Variants in ADGRL2 observed in about 807,000 individuals in gnomAD.
The protein encoded by ADGRL2 is calcium-independent alpha-latrotoxin receptor 2.
A neutral mutation model predicts 157.4 loss-of-function variants in ADGRL2; 44 were observed. The ratio of observed to expected loss-of-function variants is 0.28; its 90% CI spans 0.22 to 0.36. ADGRL2 has a LOEUF of 0.36. Among genes scored for constraint, ADGRL2 ranks in the 10% least tolerant of loss-of-function variants. The pLI is 1.00. For missense variants in ADGRL2, 1,510 were observed against 1,768.9 expected, an observed-to-expected ratio of 0.85 and a Z score of 2.63; for synonymous variants, 585 against 624.7, an observed-to-expected ratio of 0.94 and a Z score of 0.95.
intron 3 of ADGRL2, among the ~76,000 whole-genome samples, chr1:81,617,030 G>T (rs1321300736): frequency 6.6e-6 from 1 of 152,138 alleles, no homozygotes; most frequent in Non-Finnish European, 1.5e-5. Context: ...CAAGTTCATT[G>T]AACATCAGTC....
chr1:81,706,398 CAT>C (rs906298276), intron 1 of ADGRL2, among the ~76,000 whole-genome samples: 2 of 151,742 alleles, frequency 1.3e-5, no homozygotes, highest in African/African-American at 4.8e-5. Context: ...AAATAGGAAA[CAT>C]AGGAGGGGAT....
intron 1 of ADGRL2, among the ~76,000 whole-genome samples, chr1:81,724,338 C>A (rs2084437161): frequency 6.6e-6 from 1 of 152,084 alleles, no homozygotes; most frequent in Admixed American, 6.6e-5. Context: ...TTGTAGTATT[C>A]ATATTTGTAT....
chr1:81,412,855 G>A (rs1028837595), intron 1 of ADGRL2, among the ~76,000 whole-genome samples: 1 of 151,770 alleles, frequency 6.6e-6, no homozygotes, highest in South Asian at 2.1e-4. Context: ...AATAGACAGA[G>A]CTTCCTGGGT....
At chr1:81,535,633 G>A (rs1256257121) in intron 2 of ADGRL2, among the ~76,000 whole-genome samples, 1 of 152,162 alleles carries the variant, frequency 6.6e-6, no homozygotes, top group Non-Finnish European at 1.5e-5. Flanking sequence ...AGACTGTACA[G>A]TACACCATGT....
At chr1:81,908,886 T>C in intron 3 of ADGRL2, among the ~76,000 whole-genome samples, 1 of 151,980 alleles carries the variant, frequency 6.6e-6, no homozygotes, top group Middle Eastern at 3.4e-3. Context: ...TTCTTTTTTT[T>C]TTTTTTAAGA....
intron 3 of ADGRL2, among the ~76,000 whole-genome samples, chr1:81,602,509 T>C (rs2081352667): frequency 6.6e-6 from 1 of 152,072 alleles, no homozygotes; most frequent in Non-Finnish European, 1.5e-5. Context: ...AGAGAATTGC[T>C]TGAACCCGGG....
intron 2 of ADGRL2, among the ~76,000 whole-genome samples, chr1:81,490,488 G>A (rs1053218838): frequency 6.6e-6 from 1 of 152,120 alleles, no homozygotes; most frequent in Non-Finnish European, 1.5e-5. Context: ...AGAAAAATGG[G>A]CAAAAGACTA....
intron 2 of ADGRL2, among the ~76,000 whole-genome samples, chr1:81,551,539 A>G (rs1172844968): frequency 1.3e-5 from 2 of 152,180 alleles, no homozygotes; most frequent in African/African-American, 2.4e-5. Flanking sequence ...ACATTGACAT[A>G]TTTCCTCATT....
intron 2 of ADGRL2, among the ~76,000 whole-genome samples, chr1:81,519,027 G>A (rs2148147067): frequency 1.3e-5 from 2 of 152,196 alleles, no homozygotes; most frequent in East Asian, 3.9e-4. Flanking sequence ...ACTCATTTCA[G>A]GCAGGTGGGT....
At chr1:81,754,476 C>T (rs1283240890) in intron 1 of ADGRL2, among the ~76,000 whole-genome samples, 2 of 135,626 alleles carry the variant, frequency 1.5e-5, no homozygotes, top group Non-Finnish European at 3.2e-5. Flanking sequence ...TTCTCCCCTC[C>T]CCTCCCCTTT....
intron 1 of ADGRL2, among the ~76,000 whole-genome samples, chr1:81,713,254 C>T (rs1016940016): frequency 9.2e-5 from 14 of 152,072 alleles, no homozygotes; most frequent in South Asian, 2.1e-4. Flanking sequence ...CACTCTGAGA[C>T]GTGCATTTTT....
chr1:81,845,003 G>C (rs2150371304), intron 2 of ADGRL2, among the ~76,000 whole-genome samples: 1 of 152,112 alleles, frequency 6.6e-6, no homozygotes, highest in African/African-American at 2.4e-5. Context: ...ATAATTCTGT[G>C]ACTTTCTTAT....
At chr1:81,721,790 T>C in intron 1 of ADGRL2, 1 of 1,326,740 alleles carries the variant, frequency 7.5e-7, no homozygotes, top group Non-Finnish European at 1.1e-6. Context: ...CCTGAGGGAG[T>C]GGGTGGGAGC....
At chr1:81,624,063 G>A (rs535212183) in intron 3 of ADGRL2, among the ~76,000 whole-genome samples, 1 of 152,036 alleles carries the variant, frequency 6.6e-6, no homozygotes, top group Admixed American at 6.6e-5. Flanking sequence ...CAGGAGTAGC[G>A]AAGACCATCC....
intron 1 of ADGRL2, among the ~76,000 whole-genome samples, chr1:81,820,511 T>A (rs550715339): frequency 6.6e-6 from 1 of 152,252 alleles, no homozygotes; most frequent in East Asian, 1.9e-4. Flanking sequence ...GTGGCCCTTT[T>A]GGTATCCGTT....
Position 81,646,727 on chromosome 1 carries a change from T to G in ADGRL2, c.-143+65747T>G, listed in dbSNP as rs148474847. On this transcript the variant is annotated intron_variant, in intron 3 of 24. Transcript: ENST00000370721. The stretch of plus-strand genomic sequence containing the variant: ...TGGAATAATAGAGGTCTTCCTATTT[T>G]TTCATCAGCAAATATATTGCCTCTG... Among the ~76,000 whole-genome samples, 399 of 152,322 alleles carry G rather than the reference T, an allele frequency of 2.6e-3. 2 individuals are homozygous for G. Among genetic ancestry groups the G allele is most frequent in the African/African-American group, 8.8e-3 (364 of 41,578 alleles).
intron 1 of ADGRL2, among the ~76,000 whole-genome samples, chr1:81,314,429 G>A (rs996997021): frequency 3.9e-5 from 6 of 152,102 alleles, no homozygotes; most frequent in African/African-American, 1.4e-4. Flanking sequence ...ATAGGATTAG[G>A]CCGCATTTTA....
intron 1 of ADGRL2, among the ~76,000 whole-genome samples, chr1:81,316,998 G>A (rs963490047): frequency 1.3e-5 from 2 of 152,134 alleles, no homozygotes; most frequent in African/African-American, 4.8e-5. Context: ...AGTGTCCAAT[G>A]CTATCTGTCT....
In ADGRL2 at chr1:81,679,587, T is replaced by C. The variant is rs372203279; in HGVS notation, c.-142-82224T>C. Among the ~76,000 whole-genome samples the C allele has an allele frequency of 8.5e-5, 13 of 152,248 alleles. No individual in the cohort carries two copies. The South Asian group carries it at 2.3e-3, about 27-fold the overall frequency. On this transcript the variant is annotated intron_variant, in intron 3 of 24. Transcript: ENST00000370721. ...GTCCACACCAGTGCTTTGCACATAGTTTTAGGAAGCAAATCCAGGAGGCCC... is the reference window on the plus strand; with the variant it reads ...GTCCACACCAGTGCTTTGCACATAGCTTTAGGAAGCAAATCCAGGAGGCCC...
Sources: gnomAD v4.1 joint callset for allele counts (sites outside exome capture counted in the v4.1 genomes callset) on GRCh38, gnomAD v4.1.1 for gene constraint, MANE v1.5 for transcripts, NCBI Gene and HGNC (gene_info 2026-07-23, HGNC 2026-07-21) for gene names.